The following DGCR8 variants were observed in gnomAD, a reference collection of about 807,000 sequenced individuals.
DGCR8 encodes the protein DGCR8 microprocessor complex subunit, also known as microprocessor complex subunit DGCR8.
Under a neutral mutation model 78.5 loss-of-function variants are expected in DGCR8, and 14 were observed. The ratio of observed to expected loss-of-function variants is 0.18; its 90% CI spans 0.12 to 0.28. The LOEUF is 0.28. Among genes scored for constraint, DGCR8 ranks in the 10% least tolerant of loss-of-function variants. The pLI is 1.00. For missense variants in DGCR8, 702 were observed against 1,022.5 expected (o/e 0.69, Z 4.28); for synonymous variants, 399 against 402.4 (o/e 0.99, Z 0.10).
rs2049401628 is a variant in DGCR8, at chr22:20,080,277, C to T, written c.-384C>T. 3 of 980,930 alleles carry T rather than the reference C, an allele frequency of 3.1e-6. No homozygotes were observed. The highest frequency in any genetic ancestry group is 4.7e-5 in the South Asian group (1 of 21,282). The allele number at this position is 980,930 out of a possible 1,614,324, so 60.8% of individuals were successfully genotyped here. Reference sequence around the variant, plus strand: ...CGGCGCGGCAGGCGGGTGCCGGCGACCGGAGAGCCTGGACAGGCTTTCCAG... The same window carrying T: ...CGGCGCGGCAGGCGGGTGCCGGCGATCGGAGAGCCTGGACAGGCTTTCCAG... On this transcript the variant is annotated 5_prime_UTR_variant, in exon 1 of 14. Transcript: ENST00000351989.
At chr22:20,102,006 C>T in intron 9 of DGCR8, 1 of 984,784 alleles carries the variant, frequency 1.0e-6, no homozygotes, top group Non-Finnish European at 1.2e-6. Flanking sequence ...GTGGTGATCT[C>T]TTGGTATTTT....
rs566573058 is a variant in DGCR8 at position 20,110,174 on chromosome 22, C to A, written c.*66C>A. The A allele has an allele frequency of 9.6e-5, 145 of 1,505,340 alleles. 1 individual carries two copies. The South Asian group carries it at 1.5e-3, about 16-fold the overall frequency. 93.2% of individuals were successfully genotyped at this position (1,505,340 alleles called of 1,614,324 possible). A position where few individuals can be genotyped will look rare whatever the true frequency, so the allele number is the denominator to read the frequency against. On this transcript the variant is annotated 3_prime_UTR_variant, in exon 14 of 14. Coordinates refer to ENST00000351989, the MANE Select transcript of DGCR8 (RefSeq NM_022720.7). ...ACTTCTGAGGAGACCAGCAGTCATG[C>A]ATCGTGCACCACAGTGTCAGGCCTC...
At chr22:20,100,941 C>A in intron 9 of DGCR8, 2 of 615,332 alleles carry the variant, frequency 3.3e-6, no homozygotes, top group Non-Finnish European at 4.1e-6. Flanking sequence ...CGGCACAGGA[C>A]CCCTCCTCGT....
Position 20,080,475 on chromosome 22 carries a change from G to C in DGCR8, c.-278+92G>C, listed in dbSNP as rs2049404652. 5.1e-6 allele frequency: 5 copies of C among 983,956 alleles called. No individual in the cohort carries two copies. In the South Asian group the frequency reaches 2.4e-4, roughly 46 times the overall value. The allele number at this position is 983,956 out of a possible 1,614,324, so 61.0% of individuals were successfully genotyped here. ...GCCCTTCCCTCCCGCCTCCCTCCGG[G>C]ACCGAGGCCGCGGGCGGGGCGGGGG... On this transcript the variant is annotated intron_variant, in intron 1 of 13. Coordinates refer to ENST00000351989, the MANE Select transcript of DGCR8 (RefSeq NM_022720.7).
intron 7 of DGCR8, 37 bp downstream of exon 7, chr22:20,092,007 C>G: frequency 1.3e-6 from 2 of 1,548,550 alleles, no homozygotes; most frequent in South Asian, 2.3e-5. Flanking sequence ...CCTAAAGAAT[C>G]ACAAGGTGTA....
At chr22:20,102,368 G>A (rs551982504) in intron 9 of DGCR8, among the ~76,000 whole-genome samples, 66 of 152,236 alleles carry the variant, frequency 4.3e-4, no homozygotes, top group Admixed American at 2.0e-3. Flanking sequence ...GTGGTGTGAC[G>A]CATCCGTCGT....
At position 20,089,661 on chromosome 22, in the gene DGCR8, C is replaced by T. The variant is rs1402533178; in HGVS notation, c.881-8C>T. The T allele has an allele frequency of 1.2e-6, 2 of 1,613,710 alleles. No homozygotes were observed. Among genetic ancestry groups the T allele is most frequent in the Non-Finnish European group, 1.7e-6 (2 of 1,179,876 alleles). On this transcript the variant is annotated splice_polypyrimidine_tract_variant and splice_region_variant and intron_variant, in intron 3 of 13. Transcript: ENST00000351989. The surrounding 1 kb of genome is among the most constrained non-coding windows in gnomAD (Gnocchi z 4.9). The stretch of plus-strand genomic sequence containing the variant: ...GTGATTATAGGATGTTCTTGTCTTC[C>T]TGTGCAGGTCGTGGCCGCCCACCTA...
Position 20,085,644 on chromosome 22 carries a change from G to T in DGCR8, c.-277-43G>T, listed in dbSNP as rs1387244549. 2.3e-5 allele frequency: 29 copies of T among 1,279,162 alleles called. No homozygotes were observed. The highest frequency in any genetic ancestry group is 3.1e-5 in the South Asian group (1 of 32,434). The allele number at this position is 1,279,162 out of a possible 1,614,324, so 79.2% of individuals were successfully genotyped here. A position where few individuals can be genotyped will look rare whatever the true frequency, so the allele number is the denominator to read the frequency against. On this transcript the variant is annotated intron_variant, in intron 1 of 13. Transcript: ENST00000351989. The surrounding 1 kb of genome is among the most constrained non-coding windows in gnomAD (Gnocchi z 6.2). ...TTAACTTGGTACCAGGGAATTGGAA[G>T]GTTTCTGTCATTTTGTGACGATATT...
chr22:20,106,737 G>A lies in DGCR8; in HGVS notation c.1996+39G>A, dbSNP rs774283651. ...CTCTGCTGCCTGGTGGCCGCTGGGCGGGCGGCCCCTGGTGTGGCCCTGCGC... is the reference window on the plus strand; with the variant it reads ...CTCTGCTGCCTGGTGGCCGCTGGGCAGGCGGCCCCTGGTGTGGCCCTGCGC... On this transcript the variant is annotated intron_variant, in intron 11 of 13. Transcript: ENST00000351989. 9 of 1,468,098 alleles carry A rather than the reference G, an allele frequency of 6.1e-6. No homozygotes were observed. The Admixed American group carries it at 1.2e-4, about 19-fold the overall frequency. 90.9% of individuals were successfully genotyped at this position (1,468,098 alleles called of 1,614,324 possible). A position where few individuals can be genotyped will look rare whatever the true frequency, so the allele number is the denominator to read the frequency against.
At chr22:20,102,543 C>T (rs191752596) in intron 9 of DGCR8, among the ~76,000 whole-genome samples, 12 of 152,316 alleles carry the variant, frequency 7.9e-5, no homozygotes, top group Admixed American at 7.8e-4. Flanking sequence ...GATTCGTTTC[C>T]TTCAGGTAAA....
At chr22:20,094,343 C>G (rs1037166575) in intron 8 of DGCR8, among the ~76,000 whole-genome samples, 3 of 152,242 alleles carry the variant, frequency 2.0e-5, no homozygotes, top group African/African-American at 2.4e-5. Flanking sequence ...GCCACCTGGT[C>G]TAGGTACCTG....
intron 9 of DGCR8, chr22:20,101,406 C>T: frequency 1.6e-5 from 11 of 709,622 alleles, no homozygotes; most frequent in Non-Finnish European, 1.7e-5. Flanking sequence ...GAAACCCCGT[C>T]TCTACTAAAA....
At chr22:20,108,763 G>T in intron 12 of DGCR8, 127 bp from the exon 13 acceptor site, 2 of 692,290 alleles carry the variant, frequency 2.9e-6, no homozygotes, top group East Asian at 2.6e-5. Flanking sequence ...ACAGCTCCTG[G>T]CTGTTTCGTG....
chr22:20,093,625 G>A (rs1000941515), intron 8 of DGCR8, among the ~76,000 whole-genome samples: 3 of 152,228 alleles, frequency 2.0e-5, no homozygotes, highest in Non-Finnish European at 2.9e-5. Flanking sequence ...CCCCAGTGGT[G>A]CTGGCTCTTA....
chr22:20,081,200 G>T (rs117653823), intron 1 of DGCR8, among the ~76,000 whole-genome samples: 4,654 of 152,316 alleles, frequency 0.031, 98 homozygotes, highest in Middle Eastern at 0.044. Context: ...TCATACTGCC[G>T]CTGGGTTGGG....
chr22:20,086,516 G>A lies in DGCR8; in HGVS notation c.553G>A (p.Glu185Lys). The stretch of plus-strand genomic sequence containing the variant: ...TGAGAGTGCTGATAAGAAGGATGAG[G>A]AGAATGAGCTGGATCAGGAAAAGAG... ...GGESADKKDE[E>K]NELDQEKRVE... is the part of the protein sequence containing the mutation. The change falls in exon 2 of 14, where the codon GAG (glutamate) becomes AAG (lysine). Residue 185 changes from glutamate to lysine, a missense_variant. Transcript: ENST00000351989. The surrounding 1 kb of genome is among the most constrained non-coding windows in gnomAD (Gnocchi z 6.4). The A allele has an allele frequency of 6.2e-7, 1 of 1,614,084 alleles. No individual in the cohort carries two copies. The highest frequency in any genetic ancestry group is 8.5e-7 in the Non-Finnish European group (1 of 1,180,030).
Position 20,111,194 on chromosome 22 carries a change from G to A in DGCR8, c.*1086G>A, listed in dbSNP as rs1441422397. ...CTATGGGTGGGTGTGCGATGGAAAT[G>A]TGTTCCTGCCGGAGTCTGAGGCACC... On this transcript the variant is annotated 3_prime_UTR_variant, in exon 14 of 14. Coordinates refer to ENST00000351989, the MANE Select transcript of DGCR8 (RefSeq NM_022720.7). 7.5e-6 allele frequency: 3 copies of A among 398,752 alleles called. No individual in the cohort carries two copies. Among genetic ancestry groups the A allele is most frequent in the Admixed American group, 8.8e-5 (2 of 22,718 alleles). 24.7% of individuals were successfully genotyped at this position (398,752 alleles called of 1,614,324 possible). A position where few individuals can be genotyped will look rare whatever the true frequency, so the allele number is the denominator to read the frequency against.
At chr22:20,108,567 C>T in intron 12 of DGCR8, 1 of 282,552 alleles carries the variant, frequency 3.5e-6, no homozygotes, top group Non-Finnish European at 7.1e-6. Context: ...TCTGGTTTCA[C>T]TCCTTGATGA....
At chr22:20,080,499 G>A (rs1228909266) in intron 1 of DGCR8, 116 bp downstream of exon 1, 2 of 984,186 alleles carry the variant, frequency 2.0e-6, no homozygotes, top group African/African-American at 1.8e-5. Flanking sequence ...GCGGGGCGGG[G>A]GCGCGGAGCC....
Sources: gnomAD v4.1 joint callset for allele counts (sites outside exome capture counted in the v4.1 genomes callset) on GRCh38, gnomAD v4.1.1 for gene constraint, Gnocchi (gnomAD v3.1) non-coding constraint, MANE v1.5 for transcripts, NCBI Gene and HGNC (gene_info 2026-07-23, HGNC 2026-07-21) for gene names.